Variants in GALNS observed in about 807,000 individuals in gnomAD.
The protein encoded by GALNS is galactosamine (N-acetyl)-6-sulfatase.
A neutral mutation model predicts 65.9 loss-of-function variants in GALNS; 65 were observed. The ratio of observed to expected loss-of-function variants is 0.99; its 90% CI spans 0.81 to 1.21. The LOEUF (loss-of-function observed/expected upper bound fraction) is 1.21. GALNS is among the 50% of genes most tolerant of loss of function. GALNS has a pLI of 0.00. For missense variants in GALNS, 776 were observed against 700.7 expected, an observed-to-expected ratio of 1.11 and a Z score of -1.21; for synonymous variants, 346 against 288.9, an observed-to-expected ratio of 1.20 and a Z score of -2.00.
intron 1 of GALNS, among the ~76,000 whole-genome samples, chr16:88,851,454 C>T (rs1048155404): frequency 7.9e-5 from 12 of 152,258 alleles, no homozygotes; most frequent in East Asian, 1.9e-4. Context: ...ACGCAGAAGA[C>T]GGCGATTTCT....
At chr16:88,835,480 C>G in intron 7 of GALNS, 128 bp from the exon 8 acceptor site, 16 of 1,346,798 alleles carry the variant, frequency 1.2e-5, no homozygotes, top group Non-Finnish European at 1.7e-5. Flanking sequence ...GTGAAACTGG[C>G]CGGCCTCTTC....
rs113524690 is a variant in GALNS, at chr16:88,850,192, G to A, written c.120+6566C>T. ...GGGATGGGAGGGAGCAGTATGTTTC[G>A]CCCGTTACACTGTCTGCCCATGCCC... is the stretch of plus-strand genomic sequence containing the variant. On this transcript the variant is annotated intron_variant, in intron 1 of 13. Coordinates refer to ENST00000268695, the MANE Select transcript of GALNS (RefSeq NM_000512.5). 3.6e-3 allele frequency among the ~76,000 whole-genome samples: 554 copies of A among 152,294 alleles called. 2 individuals are homozygous for A. Among genetic ancestry groups the A allele is most frequent in the African/African-American group, 0.012 (518 of 41,558 alleles).
chr16:88,834,081 G>A (rs1390744664), intron 8 of GALNS, among the ~76,000 whole-genome samples: 3 of 152,162 alleles, frequency 2.0e-5, no homozygotes, highest in Non-Finnish European at 2.9e-5. Context: ...GTCTGTTGGG[G>A]GCCTCGACTC....
At chr16:88,822,324 G>C (rs542403004) in intron 12 of GALNS, among the ~76,000 whole-genome samples, 8 of 152,310 alleles carry the variant, frequency 5.3e-5, no homozygotes, top group African/African-American at 1.9e-4. Context: ...CCCAAATGCA[G>C]CTCAGAGTAG....
intron 4 of GALNS, among the ~76,000 whole-genome samples, chr16:88,839,972 C>T (rs934919094): frequency 1.2e-4 from 18 of 152,364 alleles, no homozygotes; most frequent in Admixed American, 3.9e-4. Flanking sequence ...ACAGTACTCA[C>T]GCGCTCCAGT....
At chr16:88,856,226 G>A (rs544668572) in intron 1 of GALNS, 30 of 703,048 alleles carry the variant, frequency 4.3e-5, no homozygotes, top group Admixed American at 4.0e-5. Flanking sequence ...GCATTCTCCA[G>A]AGGACAGAGA....
At chr16:88,837,564 A>G in intron 5 of GALNS, 58 bp downstream of exon 5, 1 of 1,574,262 alleles carries the variant, frequency 6.4e-7, no homozygotes. Context: ...GGCGGGGGGC[A>G]GGCACGCCGG....
In GALNS at chr16:88,815,563, G is replaced by A. The variant is rs117661450; in HGVS notation, c.1483-1038C>T. The A allele has an allele frequency of 1.1e-3, 1,119 of 985,488 alleles. 29 individuals are homozygous for A. In the South Asian group the frequency reaches 0.04, roughly 35 times the overall value. The allele number at this position is 985,488 out of a possible 1,614,324, so 61.0% of individuals were successfully genotyped here. A position where few individuals can be genotyped will look rare whatever the true frequency, so the allele number is the denominator to read the frequency against. On this transcript the variant is annotated intron_variant, in intron 13 of 13. Coordinates refer to ENST00000268695, the MANE Select transcript of GALNS (RefSeq NM_000512.5). ...GGCAACAGAAAGGGAGACTTATGCC[G>A]CTAAGAGGAGCCTTCTTGGCTGAAA...
intron 13 of GALNS, chr16:88,815,852 A>T (rs1909567713): frequency 1.0e-6 from 1 of 985,066 alleles, no homozygotes; most frequent in Non-Finnish European, 1.2e-6. Flanking sequence ...GGTGTGTTTG[A>T]GTCTGGATGG....
At chr16:88,837,913 A>T (rs920420876) in intron 4 of GALNS, 148 bp from the exon 5 acceptor site, 16 of 774,946 alleles carry the variant, frequency 2.1e-5, no homozygotes, top group Non-Finnish European at 3.0e-5. Flanking sequence ...CACGGCAGGG[A>T]CAAAAGACCA....
chr16:88,846,591 A>G (rs1056549406), intron 1 of GALNS, among the ~76,000 whole-genome samples: 3 of 147,070 alleles, frequency 2.0e-5, no homozygotes, highest in African/African-American at 7.6e-5. Flanking sequence ...ACTCACTGCA[A>G]CCTTTGCCTG....
At chr16:88,838,505 A>T (rs1912377195) in intron 4 of GALNS, 1 of 152,328 alleles carries the variant, frequency 6.6e-6, no homozygotes, top group African/African-American at 2.4e-5. Flanking sequence ...ACCCCTCCAG[A>T]CCCCGTCCCG....
chr16:88,824,697 G>T, intron 11 of GALNS, 70 bp downstream of exon 11: 1 of 1,299,868 alleles, frequency 7.7e-7, no homozygotes, highest in Non-Finnish European at 1.1e-6. Flanking sequence ...CCCCCAGGAC[G>T]GTGCTCAGGG....
At chr16:88,815,412 G>A (rs1046746829) in intron 13 of GALNS, 19 of 985,376 alleles carry the variant, frequency 1.9e-5, no homozygotes, top group Admixed American at 6.1e-5. Flanking sequence ...TCCCTACTGC[G>A]CTGCTGGGCT....
chr16:88,827,815 C>T (rs117737380), intron 9 of GALNS, among the ~76,000 whole-genome samples: 6,316 of 152,316 alleles, frequency 0.041, 163 homozygotes, highest in South Asian at 0.083. Flanking sequence ...TGGAGAGACA[C>T]CCCTGCCTGG....
chr16:88,841,045 G>A lies in GALNS; in HGVS notation c.369C>T (p.Leu123=). The part of the protein sequence containing the change: ...IVGGIPDSEQ[L]LPELLKKAGY... ...CGGCCTTCTTCAGAAGCTCCGGCAG[G>A]AGCTGCTCCGAGTCTGGGATGCCGC... Residue 123 remains leucine (L), a synonymous_variant, in exon 4 of 14, where the codon CTC becomes CTT. Coordinates refer to ENST00000268695, the MANE Select transcript of GALNS (RefSeq NM_000512.5). The A allele has an allele frequency of 1.9e-6, 3 of 1,613,262 alleles. No homozygotes were observed. Among genetic ancestry groups the A allele is most frequent in the African/African-American group, 1.3e-5 (1 of 75,050 alleles).
intron 4 of GALNS, among the ~76,000 whole-genome samples, chr16:88,839,266 G>A (rs376506840): frequency 5.2e-5 from 7 of 135,634 alleles, no homozygotes; most frequent in Non-Finnish European, 7.9e-5. Flanking sequence ...GTCACCGCCC[G>A]GCCACAGGGG....
At chr16:88,855,965 C>T in intron 1 of GALNS, 1 of 584,054 alleles carries the variant, frequency 1.7e-6, no homozygotes, top group Non-Finnish European at 3.1e-6. Context: ...CCAGGTGTGG[C>T]AGCTGAGGTT....
chr16:88,814,165 A>G lies in GALNS; in HGVS notation c.*274T>C, dbSNP rs924585305. 56 of 548,952 alleles carry G rather than the reference A, an allele frequency of 1.0e-4. No individual in the cohort carries two copies. The highest frequency in any genetic ancestry group is 4.7e-4 in the Admixed American group (15 of 32,228). The allele number at this position is 548,952 out of a possible 1,614,324, so 34.0% of individuals were successfully genotyped here. A position where few individuals can be genotyped will look rare whatever the true frequency, so the allele number is the denominator to read the frequency against. On this transcript the variant is annotated 3_prime_UTR_variant, in exon 14 of 14. Transcript: ENST00000268695. ...GACTGGTCTCAGATATTTGGGGTTC[A>G]CAAAGGCGTGAGACGGCAGGGTCCT...
Sources: gnomAD v4.1 joint callset for allele counts (sites outside exome capture counted in the v4.1 genomes callset) on GRCh38, gnomAD v4.1.1 for gene constraint, MANE v1.5 for transcripts, NCBI Gene and HGNC (gene_info 2026-07-23, HGNC 2026-07-21) for gene names.